TSPAN12: variants seen among roughly 807,000 people sequenced by gnomAD.
TSPAN12 encodes tetraspanin-12.
TSPAN12 carries 19 observed loss-of-function variants against 39.2 expected under a neutral mutation model. That is an observed-to-expected ratio of 0.49 (90% CI 0.34 to 0.71). The LOEUF (loss-of-function observed/expected upper bound fraction) is 0.71. Among genes scored for constraint, TSPAN12 ranks in the 30% least tolerant of loss-of-function variants. The pLI is 0.01. For missense variants in TSPAN12, 314 were observed against 359.9 expected, an observed-to-expected ratio of 0.87 and a Z score of 1.03; for synonymous variants, 119 against 124.8, an observed-to-expected ratio of 0.95 and a Z score of 0.31.
At chr7:120,808,996 T>C (rs944038045) in intron 6 of TSPAN12, among the ~76,000 whole-genome samples, 1 of 150,606 alleles carries the variant, frequency 6.6e-6, no homozygotes, top group African/African-American at 2.4e-5. Context: ...TTAATATATA[T>C]ATGGAAGACA....
intron 4 of TSPAN12, among the ~76,000 whole-genome samples, chr7:120,835,078 AAC>A (rs1794451966): frequency 6.6e-6 from 1 of 152,230 alleles, no homozygotes; most frequent in Non-Finnish European, 1.5e-5. Flanking sequence ...TGATTTAATA[AAC>A]ACTTATTAAA....
intron 4 of TSPAN12, among the ~76,000 whole-genome samples, chr7:120,830,806 T>C (rs1427997945): frequency 6.6e-6 from 1 of 151,894 alleles, no homozygotes; most frequent in African/African-American, 2.4e-5. Context: ...GAGAAAATAT[T>C]AAACTACCAA....
rs78688979 is a variant in TSPAN12, at chr7:120,849,950, C to T, written c.66+6748G>A. On this transcript the variant is annotated intron_variant, in intron 2 of 7. Coordinates refer to ENST00000222747, the MANE Select transcript of TSPAN12 (RefSeq NM_012338.4). ...GCCTTGATTATTTGGAGGCTGGTCA[C>T]ACGAGGTGAGTCACACGTGTGTTTC... Among the ~76,000 whole-genome samples, 873 of 152,282 alleles carry T rather than the reference C, an allele frequency of 5.7e-3. 8 individuals are homozygous for T. The highest frequency in any genetic ancestry group is 8.0e-3 in the Non-Finnish European group (543 of 68,024).
chr7:120,832,458 G>T (rs1445205972), intron 4 of TSPAN12, among the ~76,000 whole-genome samples: 1 of 151,882 alleles, frequency 6.6e-6, no homozygotes, highest in Non-Finnish European at 1.5e-5. Flanking sequence ...TCACTCCTCA[G>T]TGTTTATACA....
intron 5 of TSPAN12, among the ~76,000 whole-genome samples, chr7:120,811,626 C>T (rs1425160649): frequency 3.3e-5 from 5 of 149,430 alleles, no homozygotes; most frequent in South Asian, 2.1e-4. Flanking sequence ...GCCGAGATCA[C>T]GCCACTGCAC....
At chr7:120,856,885 C>T (rs1794882787) in intron 1 of TSPAN12, 52 bp from the exon 2 acceptor site, 1 of 1,091,506 alleles carries the variant, frequency 9.2e-7, no homozygotes, top group Non-Finnish European at 1.4e-6. Flanking sequence ...TCACGCTTCC[C>T]ACAGCCTGCC....
At chr7:120,791,002 T>C (rs1018923464) in intron 7 of TSPAN12, among the ~76,000 whole-genome samples, 1 of 152,114 alleles carries the variant, frequency 6.6e-6, no homozygotes, top group Non-Finnish European at 1.5e-5. Flanking sequence ...ATATTAATAT[T>C]TTAGTAATAA....
Position 120,815,788 on chromosome 7 carries a change from G to A in TSPAN12, c.301C>T (p.Leu101Phe). The A allele has an allele frequency of 6.2e-7, 1 of 1,612,740 alleles. No homozygotes were observed. Among genetic ancestry groups the A allele is most frequent in the Non-Finnish European group, 8.5e-7 (1 of 1,179,530 alleles). ...GCCAGTTCTACACAGAAAATGACAA[G>A]CAAACTTCCAAAGTACTGTAGAAAA... ...LLLAWYFGSL[L>F]VIFCVELACG... The change falls in exon 5 of 8, where the codon CTT becomes TTT. Residue 101 changes from leucine to phenylalanine, a missense_variant. Leu to Phe is a conservative substitution (Grantham distance 22). Transcript: ENST00000222747.
intron 4 of TSPAN12, among the ~76,000 whole-genome samples, chr7:120,831,799 C>T (rs1322689932): frequency 6.6e-6 from 1 of 151,856 alleles, no homozygotes; most frequent in African/African-American, 2.4e-5. Context: ...TTCAAAATTG[C>T]TAAAATAGTA....
chr7:120,824,235 A>G (rs911290289), intron 4 of TSPAN12, among the ~76,000 whole-genome samples: 2 of 151,380 alleles, frequency 1.3e-5, no homozygotes, highest in Admixed American at 1.3e-4. Context: ...GATCAAGACC[A>G]TCCTGGCCAA....
chr7:120,832,755 T>A (rs1405106545), intron 4 of TSPAN12, among the ~76,000 whole-genome samples: 1 of 152,044 alleles, frequency 6.6e-6, no homozygotes, highest in Non-Finnish European at 1.5e-5. Context: ...GAAAGAGGAA[T>A]GAGAGGTGAG....
chr7:120,815,655 GAACT>G (rs1369618298), intron 5 of TSPAN12, 70 bp downstream of exon 5: 1 of 1,324,798 alleles, frequency 7.5e-7, no homozygotes, highest in Non-Finnish European at 1.1e-6. Context: ...GAGTGAAAAT[GAACT>G]AACACAAGTA....
Position 120,843,882 on chromosome 7 carries a change from T to C in TSPAN12, c.67-3773A>G, listed in dbSNP as rs534583545. ...GGGTCCTTAAAACCTTGTAAGTATC[T>C]CCGGGACAGAAAAGTCTATTAATGT... On this transcript the variant is annotated intron_variant, in intron 2 of 7. Coordinates refer to ENST00000222747, the MANE Select transcript of TSPAN12 (RefSeq NM_012338.4). Among the ~76,000 whole-genome samples the C allele has an allele frequency of 5.9e-5, 9 of 152,270 alleles. No individual in the cohort carries two copies. In the South Asian group the frequency reaches 1.0e-3, roughly 18 times the overall value.
chr7:120,834,309 G>A (rs1407340025), intron 4 of TSPAN12, among the ~76,000 whole-genome samples: 1 of 151,704 alleles, frequency 6.6e-6, no homozygotes, highest in African/African-American at 2.4e-5. Flanking sequence ...ATTTTATTTG[G>A]GAACCTTAAA....
At chr7:120,791,843 G>T (rs952324629) in intron 7 of TSPAN12, among the ~76,000 whole-genome samples, 1 of 152,100 alleles carries the variant, frequency 6.6e-6, no homozygotes, top group Non-Finnish European at 1.5e-5. Flanking sequence ...TAGAATGGGA[G>T]GGGTCCTTGG....
At chr7:120,836,113 G>C (rs1018907609) in intron 4 of TSPAN12, among the ~76,000 whole-genome samples, 1 of 152,158 alleles carries the variant, frequency 6.6e-6, no homozygotes. Flanking sequence ...AGAAAAGAGA[G>C]GACAACTTCC....
chr7:120,826,325 C>T (rs933014873), intron 4 of TSPAN12, among the ~76,000 whole-genome samples: 7 of 152,136 alleles, frequency 4.6e-5, no homozygotes, highest in African/African-American at 1.7e-4. Context: ...CAATGATGTA[C>T]ATCAAGGCAT....
At chr7:120,812,731 T>A (rs1434361749) in intron 5 of TSPAN12, among the ~76,000 whole-genome samples, 1 of 152,168 alleles carries the variant, frequency 6.6e-6, no homozygotes, top group African/African-American at 2.4e-5. Flanking sequence ...TAGTCAAAGT[T>A]CAAGCTACTC....
chr7:120,804,911 T>A (rs1793840259), intron 7 of TSPAN12, among the ~76,000 whole-genome samples: 1 of 152,056 alleles, frequency 6.6e-6, no homozygotes, highest in Non-Finnish European at 1.5e-5. Context: ...AGGAAAATTG[T>A]CAGCACACCA....
Sources: gnomAD v4.1 joint callset for allele counts (sites outside exome capture counted in the v4.1 genomes callset) on GRCh38, gnomAD v4.1.1 for gene constraint, MANE v1.5 for transcripts, NCBI Gene and HGNC (gene_info 2026-07-23, HGNC 2026-07-21) for gene names.